SLC35D4: variants seen among roughly 807,000 people sequenced by gnomAD.
The protein encoded by SLC35D4 is UDP-N-acetylglucosamine transporter SLC35D4.
chr18:23,342,792 T>C, the SLC35D4 span, among the ~76,000 whole-genome samples: 1 of 152,256 alleles, frequency 6.6e-6, no homozygotes, highest in Non-Finnish European at 1.5e-5. Flanking sequence ...CATCATGGTT[T>C]CAATTTGCAT....
the SLC35D4 span, among the ~76,000 whole-genome samples, chr18:23,246,623 C>G: frequency 6.6e-6 from 1 of 151,674 alleles, no homozygotes; most frequent in Non-Finnish European, 1.5e-5. Flanking sequence ...GATCTCCTGA[C>G]CTTGTGATCC....
chr18:23,258,161 C>CGG, the SLC35D4 span: 1 of 152,514 alleles, frequency 6.6e-6, no homozygotes, highest in Admixed American at 6.5e-5. Flanking sequence ...GGACGTGGAG[C>CGG]GTGGCGCTCT....
the SLC35D4 span, among the ~76,000 whole-genome samples, chr18:23,340,044 T>C: frequency 6.6e-6 from 1 of 152,304 alleles, no homozygotes; most frequent in South Asian, 2.1e-4. Flanking sequence ...CCAGTCTCTC[T>C]ACCACGCACC....
the SLC35D4 span, among the ~76,000 whole-genome samples, chr18:23,347,049 T>A: frequency 6.6e-6 from 1 of 152,228 alleles, no homozygotes; most frequent in East Asian, 1.9e-4. Flanking sequence ...TTATTCCCTC[T>A]TCCTTTAGTT....
At chr18:23,279,965 A>C in the SLC35D4 span, among the ~76,000 whole-genome samples, 1 of 152,090 alleles carries the variant, frequency 6.6e-6, no homozygotes, top group Non-Finnish European at 1.5e-5. Context: ...TTGGCCTCCT[A>C]AAGTGCTGGG....
At chr18:23,257,134 C>T in the SLC35D4 span, 1 of 1,428,062 alleles carries the variant, frequency 7.0e-7, no homozygotes, top group Non-Finnish European at 9.7e-7. Context: ...CTCCTGAGCA[C>T]TCACTGGCTG....
At chr18:23,243,986 T>G in the SLC35D4 span, among the ~76,000 whole-genome samples, 217 of 152,354 alleles carry the variant, frequency 1.4e-3, 3 homozygotes, top group East Asian at 0.029. Context: ...CTTCGTGATT[T>G]TGACATTTCA....
chr18:23,371,945 T>TTG, the SLC35D4 span, among the ~76,000 whole-genome samples: 1 of 73,326 alleles, frequency 1.4e-5, no homozygotes, highest in East Asian at 3.4e-4. Context: ...GTTTTTTTTT[T>TTG]TTTTTTTTGA....
chr18:23,325,388 G>T, the SLC35D4 span, among the ~76,000 whole-genome samples: 1 of 151,962 alleles, frequency 6.6e-6, no homozygotes, highest in Admixed American at 6.6e-5. Flanking sequence ...GGAAACCAAG[G>T]AGAGAAAGGC....
chr18:23,244,262 C>G, the SLC35D4 span, among the ~76,000 whole-genome samples: 3 of 152,238 alleles, frequency 2.0e-5, no homozygotes, highest in Admixed American at 1.3e-4. Flanking sequence ...ATATTTGACA[C>G]TGAACATGCT....
chr18:23,261,800 G>A, the SLC35D4 span, among the ~76,000 whole-genome samples: 2 of 152,198 alleles, frequency 1.3e-5, no homozygotes, highest in African/African-American at 4.8e-5. Context: ...GTATCATACA[G>A]CACATGGCTA....
the SLC35D4 span, among the ~76,000 whole-genome samples, chr18:23,350,538 A>G: frequency 1.3e-5 from 2 of 152,260 alleles, no homozygotes; most frequent in African/African-American, 4.8e-5. Context: ...ACTACTGCTC[A>G]TATACACAGA....
the SLC35D4 span, among the ~76,000 whole-genome samples, chr18:23,393,657 G>A: frequency 1.3e-5 from 2 of 152,014 alleles, no homozygotes; most frequent in African/African-American, 4.8e-5. Flanking sequence ...TTGCTCTGTT[G>A]CCCAGGCTGG....
At chr18:23,253,059 A>G in the SLC35D4 span, 2 of 1,603,760 alleles carry the variant, frequency 1.2e-6, no homozygotes. Flanking sequence ...ACTCAGCAAA[A>G]TTAGGAGGTA....
chr18:23,316,332 T>C, the SLC35D4 span, among the ~76,000 whole-genome samples: 2 of 152,092 alleles, frequency 1.3e-5, no homozygotes, highest in Non-Finnish European at 2.9e-5. Flanking sequence ...GGTTAAAGAG[T>C]AAATCTAATA....
chr18:23,240,996 A>G, the SLC35D4 span, among the ~76,000 whole-genome samples: 1 of 152,236 alleles, frequency 6.6e-6, no homozygotes, highest in South Asian at 2.1e-4. Flanking sequence ...TGATCCAGAT[A>G]TAGAGCATTT....
chr18:23,309,566 G>T, the SLC35D4 span: 2 of 825,338 alleles, frequency 2.4e-6, no homozygotes, highest in Non-Finnish European at 4.0e-6. Context: ...GCATTTGGAT[G>T]GAGATACACA....
chr18:23,354,061 T>C, the SLC35D4 span, among the ~76,000 whole-genome samples: 1 of 152,196 alleles, frequency 6.6e-6, no homozygotes, highest in Non-Finnish European at 1.5e-5. Context: ...CAGATGTAGT[T>C]GCCTGCGCTG....
At chr18:23,306,732 T>G in the SLC35D4 span, among the ~76,000 whole-genome samples, 2 of 152,212 alleles carry the variant, frequency 1.3e-5, no homozygotes, top group Non-Finnish European at 2.9e-5. Flanking sequence ...CACTTCAATT[T>G]TATAGTGCTA....
Sources: allele counts gnomAD v4.1 joint callset (sites outside exome capture counted in the v4.1 genomes callset), GRCh38; gene constraint gnomAD v4.1.1; transcripts MANE v1.5; gene names NCBI Gene and HGNC (gene_info 2026-07-23, HGNC 2026-07-21).